BMPER: variants seen among roughly 807,000 people sequenced by gnomAD.
BMPER encodes the protein BMP-binding endothelial regulator protein.
Under a neutral mutation model 87.3 loss-of-function variants are expected in BMPER, and 45 were observed. The ratio of observed to expected loss-of-function variants is 0.52; its 90% CI spans 0.41 to 0.66. The LOEUF (loss-of-function observed/expected upper bound fraction) is 0.66, where lower values mean the gene tolerates loss of function less well. Among genes scored for constraint, BMPER ranks in the 30% least tolerant of loss-of-function variants. The probability of loss-of-function intolerance (pLI) is 0.00; values close to 1 mark genes in which losing one functional copy is unlikely to be tolerated. For synonymous variants in BMPER, 326 were observed against 316.2 expected, an observed-to-expected ratio of 1.03 and a Z score of -0.33; for missense variants, 784 against 867.5, an observed-to-expected ratio of 0.90 and a Z score of 1.21.
intron 6 of BMPER, among the ~76,000 whole-genome samples, chr7:34,002,592 A>G (rs545494144): frequency 6.6e-6 from 1 of 151,904 alleles, no homozygotes; most frequent in East Asian, 1.9e-4. Context: ...TATTCTGCTT[A>G]GTTGTTCTAT....
chr7:34,147,247 G>A (rs938350345), intron 14 of BMPER, among the ~76,000 whole-genome samples: 1 of 152,174 alleles, frequency 6.6e-6, no homozygotes, highest in Non-Finnish European at 1.5e-5. Context: ...CTGACTGGAT[G>A]CCTCCTGTAA....
At chr7:33,935,723 G>A (rs1356886247) in intron 2 of BMPER, among the ~76,000 whole-genome samples, 1 of 152,144 alleles carries the variant, frequency 6.6e-6, no homozygotes, top group African/African-American at 2.4e-5. Context: ...GCAGGTGTGG[G>A]GTGCAGGTGG....
At chr7:34,035,884 A>C (rs1787649917) in intron 6 of BMPER, among the ~76,000 whole-genome samples, 1 of 152,232 alleles carries the variant, frequency 6.6e-6, no homozygotes, top group African/African-American at 2.4e-5. Context: ...CTTAAAGGTC[A>C]ACAGAAAGTT....
At chr7:34,050,146 T>G (rs1191081335) in intron 7 of BMPER, among the ~76,000 whole-genome samples, 4 of 152,218 alleles carry the variant, frequency 2.6e-5, no homozygotes, top group Admixed American at 2.6e-4. Context: ...ACTTAAGACC[T>G]GGGTGTGCAC....
intron 6 of BMPER, among the ~76,000 whole-genome samples, chr7:34,035,158 C>G (rs543643188): frequency 8.5e-5 from 13 of 152,242 alleles, no homozygotes; most frequent in African/African-American, 3.1e-4. Context: ...TGAATAGTGC[C>G]GGAAACCTCT....
At chr7:33,908,427 G>A (rs1783875100) in intron 2 of BMPER, among the ~76,000 whole-genome samples, 1 of 152,174 alleles carries the variant, frequency 6.6e-6, no homozygotes, top group Admixed American at 6.5e-5. Context: ...ATAACATTAT[G>A]AGAAATTCTC....
In BMPER at chr7:34,086,231, G is replaced by T. The variant is rs1475903596; in HGVS notation, c.1745+139G>T. The stretch of plus-strand genomic sequence containing the variant: ...GTAGGCATCTTCTTGCTGTCCAGGA[G>T]CTGATCTCATCTTGAGTCAGCCCCA... On this transcript the variant is annotated intron_variant, in intron 13 of 14. Transcript: ENST00000649409. The T allele has an allele frequency of 6.0e-6, 6 of 992,740 alleles. No homozygotes were observed. The East Asian group carries it at 1.3e-4, about 22-fold the overall frequency. 61.5% of individuals were successfully genotyped at this position (992,740 alleles called of 1,614,324 possible).
intron 14 of BMPER, among the ~76,000 whole-genome samples, chr7:34,144,295 C>T (rs909052077): frequency 6.6e-6 from 1 of 151,504 alleles, no homozygotes; most frequent in Non-Finnish European, 1.5e-5. Context: ...GGAAGAGGGG[C>T]GCAAGAGGAA....
At chr7:34,004,984 T>C (rs945619984) in intron 6 of BMPER, among the ~76,000 whole-genome samples, 1 of 152,156 alleles carries the variant, frequency 6.6e-6, no homozygotes, top group African/African-American at 2.4e-5. Context: ...TTAAATATTT[T>C]ACTCAGTATC....
intron 13 of BMPER, among the ~76,000 whole-genome samples, chr7:34,118,348 C>T (rs115113322): frequency 1.3e-5 from 2 of 152,068 alleles, no homozygotes; most frequent in African/African-American, 4.8e-5. Context: ...GGTCACAAGA[C>T]GTAATTTAAA....
At chr7:34,144,417 T>C (rs190178695) in intron 14 of BMPER, among the ~76,000 whole-genome samples, 254 of 150,392 alleles carry the variant, frequency 1.7e-3, no homozygotes, top group African/African-American at 6.0e-3. Context: ...AGCAAGCCTC[T>C]TTCTGCTTTC....
At chr7:33,939,756 A>T (rs1004521844) in intron 3 of BMPER, among the ~76,000 whole-genome samples, 1 of 152,142 alleles carries the variant, frequency 6.6e-6, no homozygotes, top group Non-Finnish European at 1.5e-5. Flanking sequence ...CCATGATTGT[A>T]ACTTTCCTGA....
chr7:33,988,226 G>A (rs932580197), intron 6 of BMPER, among the ~76,000 whole-genome samples: 20 of 152,170 alleles, frequency 1.3e-4, no homozygotes, highest in African/African-American at 4.8e-4. Context: ...TGATGAATGT[G>A]ATTGGCAAAT....
intron 7 of BMPER, 75 bp downstream of exon 7, chr7:34,046,480 T>G (rs1454671837): frequency 2.0e-6 from 3 of 1,480,136 alleles, no homozygotes; most frequent in Non-Finnish European, 2.8e-6. Context: ...TTATCCACGT[T>G]GTTGTTTTGA....
chr7:34,107,103 G>A (rs901030155), intron 13 of BMPER, among the ~76,000 whole-genome samples: 2 of 152,086 alleles, frequency 1.3e-5, no homozygotes, highest in Non-Finnish European at 2.9e-5. Flanking sequence ...TCCTTTCTTT[G>A]GCTTATTTCC....
chr7:33,919,357 C>T (rs1025059193), intron 2 of BMPER, among the ~76,000 whole-genome samples: 16 of 152,152 alleles, frequency 1.1e-4, no homozygotes, highest in Non-Finnish European at 2.1e-4. Context: ...CAGGTTATTG[C>T]GATGTACCTG....
At chr7:34,091,605 C>CA (rs1789382316) in intron 13 of BMPER, among the ~76,000 whole-genome samples, 1 of 152,186 alleles carries the variant, frequency 6.6e-6, no homozygotes, top group South Asian at 2.1e-4. Flanking sequence ...ACACAATGAA[C>CA]ATCCCTGCCT....
At chr7:33,937,513 G>GGTGTGTATGTGT in intron 3 of BMPER, 125 bp downstream of exon 3, 1 of 733,602 alleles carries the variant, frequency 1.4e-6, no homozygotes, top group Non-Finnish European at 2.3e-6. Context: ...GGAGAAGTAG[G>GGTGTGTATGTGT]GTGTGTGTGT....
intron 6 of BMPER, among the ~76,000 whole-genome samples, chr7:33,996,397 C>CT (rs2127931609): frequency 6.6e-6 from 1 of 152,238 alleles, no homozygotes; most frequent in Non-Finnish European, 1.5e-5. Context: ...AGGACACTCA[C>CT]TTTTATATCA....
Sources: gnomAD v4.1 joint callset for allele counts (sites outside exome capture counted in the v4.1 genomes callset) on GRCh38, gnomAD v4.1.1 for gene constraint, MANE v1.5 for transcripts, NCBI Gene and HGNC (gene_info 2026-07-23, HGNC 2026-07-21) for gene names.